Variants in DCDC1 observed in about 807,000 individuals in gnomAD.
DCDC1 encodes doublecortin domain containing 1.
Under a neutral mutation model 178.3 loss-of-function variants are expected in DCDC1, and 200 were observed. The observed-to-expected ratio is 1.12, with a 90% CI of 1.00 to 1.26. The LOEUF is 1.26. DCDC1 is among the 50% of genes most tolerant of loss of function. The pLI, the probability that DCDC1 is intolerant of heterozygous loss-of-function variation, is 0.00. For synonymous variants in DCDC1, 690 were observed against 604.8 expected, an observed-to-expected ratio of 1.14 and a Z score of -2.07; for missense variants, 1,983 against 1,749.2, an observed-to-expected ratio of 1.13 and a Z score of -2.38.
At chr11:31,275,670 A>G (rs1945932734) in intron 7 of DCDC1, among the ~76,000 whole-genome samples, 1 of 151,914 alleles carries the variant, frequency 6.6e-6, no homozygotes, top group Non-Finnish European at 1.5e-5. Flanking sequence ...ACGCCTGGCT[A>G]ATTTTGTATT....
intron 1 of DCDC1, among the ~76,000 whole-genome samples, chr11:31,363,268 T>G (rs1951798570): frequency 6.6e-6 from 1 of 152,100 alleles, no homozygotes; most frequent in Admixed American, 6.5e-5. Flanking sequence ...CACACAACAT[T>G]TTATATGTCT....
At chr11:31,284,203 T>C (rs1162466960) in intron 7 of DCDC1, among the ~76,000 whole-genome samples, 1 of 152,194 alleles carries the variant, frequency 6.6e-6, no homozygotes, top group Non-Finnish European at 1.5e-5. Context: ...ATAATGGTTA[T>C]GTTAAATTAT....
intron 21 of DCDC1, among the ~76,000 whole-genome samples, chr11:30,946,133 T>C (rs1948037780): frequency 6.6e-6 from 1 of 152,134 alleles, no homozygotes; most frequent in African/African-American, 2.4e-5. Context: ...AGTGTCCATA[T>C]GGAGGTACTT....
At chr11:31,165,483 T>G (rs1966693717) in intron 9 of DCDC1, among the ~76,000 whole-genome samples, 1 of 152,134 alleles carries the variant, frequency 6.6e-6, no homozygotes. Context: ...AGCTAATTTT[T>G]TTATTTTTGT....
chr11:31,283,329 TTTC>T (rs1427679297), intron 7 of DCDC1, among the ~76,000 whole-genome samples: 1 of 151,964 alleles, frequency 6.6e-6, no homozygotes, highest in Non-Finnish European at 1.5e-5. Flanking sequence ...TCACGGATCT[TTTC>T]TTCTCTAATA....
intron 9 of DCDC1, among the ~76,000 whole-genome samples, chr11:31,188,680 T>C (rs1047464938): frequency 1.3e-5 from 2 of 152,208 alleles, no homozygotes; most frequent in African/African-American, 4.8e-5. Flanking sequence ...AACACTGGGC[T>C]GGTTCTGCCT....
At chr11:31,201,462 T>G (rs1971274212) in intron 9 of DCDC1, among the ~76,000 whole-genome samples, 1 of 151,986 alleles carries the variant, frequency 6.6e-6, no homozygotes, top group Admixed American at 6.6e-5. Flanking sequence ...TAGAAAAGTG[T>G]GATATTCAGA....
At chr11:31,065,729 T>C (rs773781169) in intron 18 of DCDC1, among the ~76,000 whole-genome samples, 5 of 152,124 alleles carry the variant, frequency 3.3e-5, no homozygotes, top group Non-Finnish European at 7.4e-5. Context: ...ATTAATGATA[T>C]ACTAAATACA....
chr11:30,878,598 G>GT lies in DCDC1; in HGVS notation c.5346dup (p.His1783ThrfsTer33). 6.2e-7 allele frequency: 1 copy of GT among 1,603,648 alleles called. No homozygotes were observed. The highest frequency in any genetic ancestry group is 1.4e-5 in the African/African-American group (1 of 74,054). On this transcript the variant is annotated frameshift_variant, in exon 38 of 39. Transcript: ENST00000684477. LOFTEE classifies it high-confidence loss of function. Reference sequence around the variant, plus strand: ...TCTGATAGGAGTTAATTGTGGAGATGTGCCAGAGACAGCAGCTTCGTGGAT... The same window carrying GT: ...TCTGATAGGAGTTAATTGTGGAGATGTTGCCAGAGACAGCAGCTTCGTGGAT...
intron 20 of DCDC1, among the ~76,000 whole-genome samples, chr11:31,009,854 T>C (rs1053774165): frequency 6.6e-6 from 1 of 152,088 alleles, no homozygotes; most frequent in Non-Finnish European, 1.5e-5. Flanking sequence ...CTTACAGTCA[T>C]GGCAAAAGGC....
At chr11:31,237,321 C>A (rs1203729539) in intron 9 of DCDC1, among the ~76,000 whole-genome samples, 2 of 151,726 alleles carry the variant, frequency 1.3e-5, no homozygotes, top group Non-Finnish European at 2.9e-5. Flanking sequence ...ATGGTTATTT[C>A]CTCATCAAAT....
chr11:31,170,638 A>G (rs1967089744), intron 9 of DCDC1, among the ~76,000 whole-genome samples: 1 of 152,164 alleles, frequency 6.6e-6, no homozygotes. Context: ...CACACTATGT[A>G]ATCTGATGTT....
intron 20 of DCDC1, among the ~76,000 whole-genome samples, chr11:30,972,106 T>G (rs181159075): frequency 1.3e-5 from 2 of 152,312 alleles, no homozygotes; most frequent in African/African-American, 4.8e-5. Context: ...GCAAGAGATT[T>G]AGACATCCAA....
At chr11:31,144,838 TA>T (rs1205092977) in intron 9 of DCDC1, among the ~76,000 whole-genome samples, 1 of 152,156 alleles carries the variant, frequency 6.6e-6, no homozygotes, top group African/African-American at 2.4e-5. Context: ...ACATTGCAAA[TA>T]TTTTCTCAGT....
At chr11:30,943,440 G>T in intron 21 of DCDC1, 2 of 295,958 alleles carry the variant, frequency 6.8e-6, no homozygotes, top group Non-Finnish European at 1.3e-5. Flanking sequence ...GTTCTGTCTG[G>T]CATGGCCCGT....
intron 2 of DCDC1, among the ~76,000 whole-genome samples, chr11:31,335,117 C>A (rs995258526): frequency 1.3e-5 from 2 of 152,156 alleles, no homozygotes; most frequent in African/African-American, 4.8e-5. Flanking sequence ...GGTGGATACC[C>A]CTCCTCCTGC....
intron 1 of DCDC1, among the ~76,000 whole-genome samples, chr11:31,366,650 A>G (rs762537631): frequency 6.6e-6 from 1 of 152,192 alleles, no homozygotes; most frequent in Non-Finnish European, 1.5e-5. Flanking sequence ...GCTGTTACCA[A>G]AACACCAGGA....
In DCDC1 at chr11:31,110,321, C is replaced by T. The variant is rs911502548; in HGVS notation, c.1526G>A (p.Gly509Asp). 7 of 709,090 alleles carry T rather than the reference C, an allele frequency of 9.9e-6. No homozygotes were observed. In the African/African-American group the frequency reaches 1.2e-4, roughly 12 times the overall value. 43.9% of individuals were successfully genotyped at this position (709,090 alleles called of 1,614,324 possible). A position where few individuals can be genotyped will look rare whatever the true frequency, so the allele number is the denominator to read the frequency against. ...NGKNTGEISV[G>D]ISKKDLGSDS... ...CGATCCCAAATCTTTTTTACTGATA[C>T]CAACAGAGATCTCTCCAGTGTTTTT... The change falls in exon 12 of 39, where the codon GGT becomes GAT. Residue 509 changes from glycine (G) to aspartate (D), a missense_variant. Gly to Asp is a moderately conservative substitution (Grantham distance 94, BLOSUM62 -1). Transcript: ENST00000684477.
At chr11:31,297,268 G>T (rs1947758059) in intron 6 of DCDC1, among the ~76,000 whole-genome samples, 1 of 152,158 alleles carries the variant, frequency 6.6e-6, no homozygotes, top group South Asian at 2.1e-4. Flanking sequence ...GGGGACTGTA[G>T]GGTATGTGGG....
Sources: allele counts gnomAD v4.1 joint callset (sites outside exome capture counted in the v4.1 genomes callset), GRCh38; gene constraint gnomAD v4.1.1; transcripts MANE v1.5; gene names NCBI Gene and HGNC (gene_info 2026-07-23, HGNC 2026-07-21).